Variants in DPH1 observed in about 807,000 individuals in gnomAD.
DPH1 encodes diphthamide biosynthesis 1.
Under a neutral mutation model 55.3 loss-of-function variants are expected in DPH1, and 59 were observed. That is an observed-to-expected ratio of 1.07 (90% CI 0.87 to 1.33). The LOEUF is 1.33. Ranked by LOEUF, DPH1 falls within the 40% of genes most tolerant of loss-of-function variation. The probability of loss-of-function intolerance (pLI) is 0.00; values close to 1 mark genes in which losing one functional copy is unlikely to be tolerated. For missense variants in DPH1, 628 were observed against 584.8 expected, an observed-to-expected ratio of 1.07 and a Z score of -0.76; for synonymous variants, 238 against 235.5, an observed-to-expected ratio of 1.01 and a Z score of -0.10.
intron 6 of DPH1, among the ~76,000 whole-genome samples, chr17:2,038,147 CAAAAAA>C (rs201391773): frequency 1.0e-4 from 11 of 108,782 alleles, no homozygotes; most frequent in South Asian, 9.3e-4. Context: ...CTGTTCTCTC[CAAAAAA>C]AAAAAAAAAA....
intron 3 of DPH1, 25 bp from the exon 4 acceptor site, chr17:2,035,945 C>G (rs371201233): frequency 1.3e-5 from 21 of 1,613,374 alleles, no homozygotes; most frequent in Non-Finnish European, 8.5e-6. Context: ...CCCTGTCCCA[C>G]CGTTCCCCGC....
At chr17:2,040,631 G>C (rs1221456736) in intron 9 of DPH1, 26 bp downstream of exon 9, 61 of 1,610,944 alleles carry the variant, frequency 3.8e-5, no homozygotes, top group Non-Finnish European at 5.2e-5. Context: ...GCTATGACTG[G>C]CTAAAGAAGC....
intron 6 of DPH1, chr17:2,037,173 G>A (rs1420338154): frequency 1.9e-5 from 11 of 584,452 alleles, no homozygotes; most frequent in Non-Finnish European, 2.7e-5. Flanking sequence ...TGTGCAGGGT[G>A]GGGGCAGGAA....
rs559673325 is a variant in DPH1, at chr17:2,035,087, G to A, written c.279-883G>A. 2.0e-5 allele frequency: 3 copies of A among 152,172 alleles called. No individual in the cohort carries two copies. The South Asian group carries it at 6.3e-4, about 32-fold the overall frequency. 9.4% of individuals were successfully genotyped at this position (152,172 alleles called of 1,614,324 possible). ...GGGTGGAGGAGGGGGTGACTAGCAGGAGCTCAACTCTTCCACTGCCACACC... is the reference window on the plus strand; with the variant it reads ...GGGTGGAGGAGGGGGTGACTAGCAGAAGCTCAACTCTTCCACTGCCACACC... On this transcript the variant is annotated intron_variant, in intron 3 of 12. Transcript: ENST00000263083.
chr17:2,041,946 C>A, intron 12 of DPH1, 71 bp downstream of exon 12: 1 of 1,525,480 alleles, frequency 6.6e-7, no homozygotes, highest in Non-Finnish European at 8.8e-7. Context: ...GCTCCGAGGC[C>A]CGCCCTCGGG....
At chr17:2,032,853 C>T (rs1229984865) in intron 1 of DPH1, among the ~76,000 whole-genome samples, 1 of 152,186 alleles carries the variant, frequency 6.6e-6, no homozygotes, top group African/African-American at 2.4e-5. Context: ...ACCCCATTCT[C>T]CTGCCTTAGC....
At chr17:2,033,755 C>G (rs755427518) in intron 2 of DPH1, 24 bp from the exon 3 acceptor site, 1 of 1,614,254 alleles carries the variant, frequency 6.2e-7, no homozygotes, top group Non-Finnish European at 8.5e-7. Flanking sequence ...CCCTCCACCT[C>G]TCATGTCTCT....
At chr17:2,033,452 A>C in intron 1 of DPH1, 53 bp from the exon 2 acceptor site, 1 of 1,612,208 alleles carries the variant, frequency 6.2e-7, no homozygotes. Context: ...ATTCCATCTC[A>C]ATCTGGCTTC....
At chr17:2,039,718 C>T (rs1486504311) in intron 6 of DPH1, 37 bp from the exon 7 acceptor site, 1 of 1,613,706 alleles carries the variant, frequency 6.2e-7, no homozygotes, top group Non-Finnish European at 8.5e-7. Context: ...TCTTCTGCTG[C>T]CCTAAACCAC....
chr17:2,040,180 A>G (rs2067492686), intron 7 of DPH1, 38 bp from the exon 8 acceptor site: 3 of 1,610,270 alleles, frequency 1.9e-6, no homozygotes, highest in Admixed American at 1.7e-5. Flanking sequence ...TGGTCCTGAC[A>G]GTGGCTGCCA....
In DPH1 at chr17:2,033,514, C is replaced by A; in HGVS notation, c.71C>A (p.Pro24His). 1.9e-6 allele frequency: 3 copies of A among 1,614,092 alleles called. No individual in the cohort carries two copies. Among genetic ancestry groups the A allele is most frequent in the East Asian group, 2.2e-5 (1 of 44,882 alleles). ...GRDGPGRGRA[P>H]RGRVANQIPP... Reference sequence around the variant, plus strand: ...CTTATATCCATTCTAGGTCGGGCCCCTCGGGGCCGCGTGGCCAATCAGATC... The same window carrying A: ...CTTATATCCATTCTAGGTCGGGCCCATCGGGGCCGCGTGGCCAATCAGATC... The change falls in exon 2 of 13, where the codon CCT becomes CAT. Residue 24 changes from proline to histidine, a missense_variant. Transcript: ENST00000263083.
At position 2,038,262 on chromosome 17, in the gene DPH1, C is replaced by G. The variant is rs1000714759; in HGVS notation, c.680+1306C>G. ...ATCGCTTGAGCCTGGGAGGTTGAGGCTGCAGCGAGCCATGACCGAGTCACT... is the reference window on the plus strand; with the variant it reads ...ATCGCTTGAGCCTGGGAGGTTGAGGGTGCAGCGAGCCATGACCGAGTCACT... On this transcript the variant is annotated intron_variant, in intron 6 of 12. Coordinates refer to ENST00000263083, the MANE Select transcript of DPH1 (RefSeq NM_001383.6). Among the ~76,000 whole-genome samples the G allele has an allele frequency of 2.0e-5, 3 of 151,742 alleles. No individual in the cohort carries two copies. In the South Asian group the frequency reaches 6.2e-4, roughly 32 times the overall value.
chr17:2,036,290 C>A lies in DPH1; in HGVS notation c.400+199C>A. The A allele has an allele frequency of 8.8e-7, 1 of 1,136,318 alleles. No individual in the cohort carries two copies. The highest frequency in any genetic ancestry group is 1.6e-5 in the South Asian group (1 of 61,544). The allele number at this position is 1,136,318 out of a possible 1,614,324, so 70.4% of individuals were successfully genotyped here. A position where few individuals can be genotyped will look rare whatever the true frequency, so the allele number is the denominator to read the frequency against. ...GGTTGCCTTGGCAACGGTGCTCTGT[C>A]CCAGATGCAGGTGTTTGAAAGGCTG... On this transcript the variant is annotated intron_variant, in intron 4 of 12. Coordinates refer to ENST00000263083, the MANE Select transcript of DPH1 (RefSeq NM_001383.6). The surrounding 1 kb of genome is among the most constrained non-coding windows in gnomAD (Gnocchi z 4.8).
chr17:2,042,701 G>C lies in DPH1; in HGVS notation c.*115G>C. ...TTGGAAGAGCCCGCCGTCTGCAGGGGCCTGGAGGAATCACTGGGGATGGTG... is the reference window on the plus strand; with the variant it reads ...TTGGAAGAGCCCGCCGTCTGCAGGGCCCTGGAGGAATCACTGGGGATGGTG... On this transcript the variant is annotated 3_prime_UTR_variant, in exon 13 of 13. Transcript: ENST00000263083. 11 of 1,550,254 alleles carry C rather than the reference G, an allele frequency of 7.1e-6. No homozygotes were observed. Among genetic ancestry groups the C allele is most frequent in the Non-Finnish European group, 9.6e-6 (11 of 1,151,680 alleles).
intron 9 of DPH1, chr17:2,040,855 G>A (rs2067507674): frequency 1.6e-6 from 1 of 625,120 alleles, no homozygotes; most frequent in African/African-American, 1.8e-5. Flanking sequence ...CCTGTACCAG[G>A]TACTAAATGT....
At chr17:2,041,226 C>T in intron 10 of DPH1, 45 bp downstream of exon 10, 4 of 1,570,254 alleles carry the variant, frequency 2.5e-6, no homozygotes, top group Middle Eastern at 3.3e-4. Flanking sequence ...ACGTGGTTCT[C>T]AAAGGTGAGG....
At chr17:2,039,470 C>CG (rs2067478585) in intron 6 of DPH1, 2 of 354,278 alleles carry the variant, frequency 5.6e-6, no homozygotes, top group Non-Finnish European at 1.1e-5. Flanking sequence ...CTACGCCTCC[C>CG]GGGTTCACGC....
chr17:2,036,929 G>T lies in DPH1; in HGVS notation c.653G>T (p.Arg218Leu). The T allele has an allele frequency of 6.2e-7, 1 of 1,613,724 alleles. No individual in the cohort carries two copies. Among genetic ancestry groups the T allele is most frequent in the South Asian group, 1.1e-5 (1 of 91,046 alleles). The change falls in exon 6 of 13, where the codon CGA becomes CTA. Residue 218 changes from arginine (R) to leucine (L), a missense_variant. Coordinates refer to ENST00000263083, the MANE Select transcript of DPH1 (RefSeq NM_001383.6). The surrounding 1 kb of genome is among the most constrained non-coding windows in gnomAD (Gnocchi z 4.8). ...PGEILGCTSP[R>L]LSKEVEAVVY... is the part of the protein sequence containing the mutation. Reference sequence around the variant, plus strand: ...GAGATCCTGGGCTGCACATCCCCCCGACTGTCCAAAGAGGTGGAGGCCGTT... The same window carrying T: ...GAGATCCTGGGCTGCACATCCCCCCTACTGTCCAAAGAGGTGGAGGCCGTT...
intron 1 of DPH1, among the ~76,000 whole-genome samples, chr17:2,031,561 G>T: frequency 1.7e-5 from 1 of 60,470 alleles, no homozygotes; most frequent in Admixed American, 2.8e-4. Flanking sequence ...GTGAGACTCT[G>T]TCTCAAAAAA....
Sources: allele counts gnomAD v4.1 joint callset (sites outside exome capture counted in the v4.1 genomes callset), GRCh38; gene constraint gnomAD v4.1.1; non-coding constraint Gnocchi (gnomAD v3.1); transcripts MANE v1.5; gene names NCBI Gene and HGNC (gene_info 2026-07-23, HGNC 2026-07-21).